The following ZNF608 variants were observed in gnomAD, a reference collection of about 807,000 sequenced individuals.
ZNF608 encodes the protein zinc finger protein 608.
A neutral mutation model predicts 109.0 loss-of-function variants in ZNF608; 12 were observed. That is an observed-to-expected ratio of 0.11 (90% confidence interval 0.07 to 0.18). The LOEUF (loss-of-function observed/expected upper bound fraction) is 0.18. Among genes scored for constraint, ZNF608 ranks in the 10% least tolerant of loss-of-function variants. The pLI, the probability that ZNF608 is intolerant of heterozygous loss-of-function variation, is 1.00. For missense variants in ZNF608, 1,707 were observed against 1,879.3 expected, an observed-to-expected ratio of 0.91 and a Z score of 1.70; for synonymous variants, 732 against 717.4, an observed-to-expected ratio of 1.02 and a Z score of -0.33.
At chr5:124,726,549 GCC>G (rs1439664597) in intron 2 of ZNF608, among the ~76,000 whole-genome samples, 2 of 151,556 alleles carry the variant, frequency 1.3e-5, no homozygotes, top group Non-Finnish European at 2.9e-5. Context: ...TACCAAAGAA[GCC>G]TATCTTCTCT....
chr5:124,730,796 G>A (rs765675695), intron 2 of ZNF608, among the ~76,000 whole-genome samples: 72 of 152,208 alleles, frequency 4.7e-4, no homozygotes, highest in Non-Finnish European at 6.9e-4. Flanking sequence ...GTGAGGGGCC[G>A]AAAGCTCAGC....
In ZNF608 at chr5:124,744,226, G is replaced by T; in HGVS notation, c.764C>A (p.Thr255Asn). The T allele has an allele frequency of 6.2e-7, 1 of 1,613,842 alleles. No individual in the cohort carries two copies. Among genetic ancestry groups the T allele is most frequent in the Non-Finnish European group, 8.5e-7 (1 of 1,179,980 alleles). Residue 255 changes from threonine to asparagine, a missense_variant, in exon 2 of 10, where the codon ACT becomes AAT. Transcript: ENST00000513986. The surrounding 1 kb of genome is among the most constrained non-coding windows in gnomAD (Gnocchi z 4.5). ...GGASPFHCGG[T>N]GSGSVAAAGE... ...TGCAGCGGCGACGCTGCCACTCCCA[G>T]TGCCCCCGCAGTGGAAGGGGCTCGC...
chr5:124,676,721 G>T (rs1263760817), intron 3 of ZNF608, among the ~76,000 whole-genome samples: 1 of 152,144 alleles, frequency 6.6e-6, no homozygotes, highest in Non-Finnish European at 1.5e-5. Context: ...AATAATAATG[G>T]TATATTCAAA....
chr5:124,716,641 GTGAAATTTTT>G (rs1753715156), intron 2 of ZNF608, among the ~76,000 whole-genome samples: 1 of 152,166 alleles, frequency 6.6e-6, no homozygotes, highest in Non-Finnish European at 1.5e-5. Context: ...GGTAGGATAG[GTGAAATTTTT>G]TCAGGTAGCT....
chr5:124,657,234 G>A (rs909250704), intron 3 of ZNF608, among the ~76,000 whole-genome samples: 1 of 152,166 alleles, frequency 6.6e-6, no homozygotes, highest in Non-Finnish European at 1.5e-5. Flanking sequence ...ACACTAAGAT[G>A]CTGTCCCATA....
chr5:124,659,322 C>A (rs1394466723), intron 3 of ZNF608, among the ~76,000 whole-genome samples: 1 of 152,104 alleles, frequency 6.6e-6, no homozygotes, highest in Non-Finnish European at 1.5e-5. Context: ...TACTCTAGGA[C>A]TAAAAGGGCG....
chr5:124,670,149 C>T (rs1188633793), intron 3 of ZNF608, among the ~76,000 whole-genome samples: 1 of 152,274 alleles, frequency 6.6e-6, no homozygotes, highest in East Asian at 1.9e-4. Context: ...TCTCTTCTGG[C>T]AAGAGGCAGA....
At chr5:124,655,379 A>G (rs1450558488) in intron 3 of ZNF608, among the ~76,000 whole-genome samples, 1 of 152,224 alleles carries the variant, frequency 6.6e-6, no homozygotes, top group Non-Finnish European at 1.5e-5. Context: ...CCCGGGACAG[A>G]AGTCTTTGCC....
At chr5:124,658,887 T>A (rs1248889063) in intron 3 of ZNF608, among the ~76,000 whole-genome samples, 3 of 152,210 alleles carry the variant, frequency 2.0e-5, no homozygotes, top group African/African-American at 7.2e-5. Flanking sequence ...GAACTAGGCC[T>A]ACTATGAGCC....
At chr5:124,682,653 T>G (rs1752243840) in intron 3 of ZNF608, among the ~76,000 whole-genome samples, 1 of 152,242 alleles carries the variant, frequency 6.6e-6, no homozygotes, top group South Asian at 2.1e-4. Flanking sequence ...AGAAGCAATT[T>G]ATAATTCTGG....
At chr5:124,667,832 T>A (rs1283674587) in intron 3 of ZNF608, among the ~76,000 whole-genome samples, 1 of 152,160 alleles carries the variant, frequency 6.6e-6, no homozygotes, top group African/African-American at 2.4e-5. Flanking sequence ...TAGGCAGTAA[T>A]CTGTGGAACT....
At chr5:124,690,036 T>A (rs1752551373) in intron 3 of ZNF608, among the ~76,000 whole-genome samples, 1 of 152,030 alleles carries the variant, frequency 6.6e-6, no homozygotes, top group African/African-American at 2.4e-5. Context: ...TGAAATAATA[T>A]TCAGTACTCC....
chr5:124,689,822 T>C (rs774672739), intron 3 of ZNF608, among the ~76,000 whole-genome samples: 1 of 152,258 alleles, frequency 6.6e-6, no homozygotes, highest in Non-Finnish European at 1.5e-5. Context: ...GGCAGGTTCT[T>C]ACAAAACTAA....
intron 3 of ZNF608, among the ~76,000 whole-genome samples, chr5:124,665,340 CA>C (rs1751434839): frequency 6.6e-6 from 1 of 152,166 alleles, no homozygotes; most frequent in South Asian, 2.1e-4. Context: ...CTTACTGGCA[CA>C]CCAATGGTTA....
At chr5:124,697,054 C>G (rs73296695) in intron 3 of ZNF608, among the ~76,000 whole-genome samples, 15,596 of 152,076 alleles carry the variant, frequency 0.1, 1,011 homozygotes, top group African/African-American at 0.16. Flanking sequence ...ACCGAGAACC[C>G]TCTTTGGCAA....
chr5:124,738,515 A>G (rs1223624996), intron 2 of ZNF608, among the ~76,000 whole-genome samples: 1 of 147,624 alleles, frequency 6.8e-6, no homozygotes, highest in East Asian at 2.0e-4. Context: ...GAATAGAATA[A>G]CATGATCCTG....
At position 124,742,710 on chromosome 5, in the gene ZNF608, C is replaced by T. The variant is rs189739980; in HGVS notation, c.906+1374G>A. On this transcript the variant is annotated intron_variant, in intron 2 of 9. Transcript: ENST00000513986. ...GCATTATCTACACCTTAATGTGCCT[C>T]TATCAACTTTTAAAAATCAAAACTT... 2.8e-3 allele frequency among the ~76,000 whole-genome samples: 432 copies of T among 152,252 alleles called. 4 individuals carry two copies. Among genetic ancestry groups the T allele is most frequent in the African/African-American group, 0.01 (423 of 41,534 alleles).
At chr5:124,724,221 T>C (rs936989083) in intron 2 of ZNF608, among the ~76,000 whole-genome samples, 2 of 152,048 alleles carry the variant, frequency 1.3e-5, no homozygotes, top group African/African-American at 4.8e-5. Context: ...AATATAAATA[T>C]ATATTCTTGA....
chr5:124,649,684 G>T lies in ZNF608; in HGVS notation c.1176C>A (p.Val392=). Residue 392 remains valine, a synonymous_variant, in exon 4 of 10, where the codon GTC becomes GTA. Transcript: ENST00000513986. ...WHETEEGVLV[V]NVTWRNKTYV... ...ACGTTTTGTTCCTCCACGTGACATT[G>T]ACCACTAGGACACCTGCAGGAGGCA... is the stretch of plus-strand genomic sequence containing the variant. 6.3e-7 allele frequency: 1 copy of T among 1,599,978 alleles called. No individual in the cohort carries two copies. Among genetic ancestry groups the T allele is most frequent in the South Asian group, 1.1e-5 (1 of 89,466 alleles).
Sources: gnomAD v4.1 joint callset for allele counts (sites outside exome capture counted in the v4.1 genomes callset) on GRCh38, gnomAD v4.1.1 for gene constraint, Gnocchi (gnomAD v3.1) non-coding constraint, MANE v1.5 for transcripts, NCBI Gene and HGNC (gene_info 2026-07-23, HGNC 2026-07-21) for gene names.